Variants in ADGRA3 observed in about 807,000 individuals in gnomAD.
ADGRA3 encodes G-protein coupled receptor 125.
ADGRA3 carries 56 observed loss-of-function variants against 119.8 expected under a neutral mutation model. The observed-to-expected ratio is 0.47, with a 90% CI of 0.38 to 0.58. The LOEUF (loss-of-function observed/expected upper bound fraction) is 0.58. ADGRA3 is among the 20% of genes least tolerant of loss of function. The probability of loss-of-function intolerance (pLI) is 0.00; values close to 1 mark genes in which losing one functional copy is unlikely to be tolerated. For missense variants in ADGRA3, 1,516 were observed against 1,649.0 expected (o/e 0.92, Z 1.40); for synonymous variants, 607 against 623.8 (o/e 0.97, Z 0.40).
chr4:22,400,063 C>T (rs1714545477), intron 16 of ADGRA3, among the ~76,000 whole-genome samples: 1 of 152,144 alleles, frequency 6.6e-6, no homozygotes, highest in Non-Finnish European at 1.5e-5. Flanking sequence ...TATGTTTTCT[C>T]ATAGTTGTAT....
intron 2 of ADGRA3, 95 bp from the exon 3 acceptor site, chr4:22,461,903 A>G (rs1413024704): frequency 2.8e-6 from 2 of 723,332 alleles, no homozygotes; most frequent in Non-Finnish European, 4.5e-6. Context: ...AAACAAAAGT[A>G]TAATAATAAG....
chr4:22,410,308 T>C (rs1451934701), intron 14 of ADGRA3, among the ~76,000 whole-genome samples: 1 of 152,190 alleles, frequency 6.6e-6, no homozygotes, highest in African/African-American at 2.4e-5. Flanking sequence ...TCTTTGTTTT[T>C]TCCTACAGAC....
chr4:22,392,846 T>C (rs1160801530), intron 16 of ADGRA3, 156 bp from the exon 17 acceptor site: 1 of 601,112 alleles, frequency 1.7e-6, no homozygotes, highest in East Asian at 2.9e-5. Context: ...CACTGTGTTC[T>C]AATAGACATG....
chr4:22,440,114 C>T (rs1023668985), intron 7 of ADGRA3, among the ~76,000 whole-genome samples: 4 of 152,128 alleles, frequency 2.6e-5, no homozygotes, highest in East Asian at 1.9e-4. Flanking sequence ...GACTTTTACA[C>T]GTAGCACTTG....
chr4:22,488,775 A>C (rs933143463), intron 1 of ADGRA3, among the ~76,000 whole-genome samples: 1 of 152,166 alleles, frequency 6.6e-6, no homozygotes, highest in Non-Finnish European at 1.5e-5. Context: ...GGAAAACATA[A>C]TTTTACTTTA....
chr4:22,516,054 C>T lies in ADGRA3; in HGVS notation c.-270G>A. Reference sequence around the variant, plus strand: ...CCTCCTCCTCCTCCTCTGCCGCCGCCGCCGCCGCCACTGCCTCCTCCCCTG... The same window carrying T: ...CCTCCTCCTCCTCCTCTGCCGCCGCTGCCGCCGCCACTGCCTCCTCCCCTG... On this transcript the variant is annotated 5_prime_UTR_variant, in exon 1 of 19. Transcript: ENST00000334304. 6.3e-6 allele frequency: 1 copy of T among 158,132 alleles called. No individual in the cohort carries two copies. The highest frequency in any genetic ancestry group is 1.4e-5 in the Non-Finnish European group (1 of 73,088). 9.8% of individuals were successfully genotyped at this position (158,132 alleles called of 1,614,324 possible).
intron 1 of ADGRA3, among the ~76,000 whole-genome samples, chr4:22,506,765 T>C (rs1237646707): frequency 6.6e-6 from 1 of 152,016 alleles, no homozygotes; most frequent in African/African-American, 2.4e-5. Flanking sequence ...AAAAAATCCT[T>C]GGGAGGAATA....
chr4:22,409,014 C>T (rs767678100), intron 14 of ADGRA3, among the ~76,000 whole-genome samples: 1 of 152,126 alleles, frequency 6.6e-6, no homozygotes, highest in Non-Finnish European at 1.5e-5. Flanking sequence ...CACAAGTGTA[C>T]ATACTACACA....
chr4:22,470,619 T>G (rs1214067821), intron 2 of ADGRA3, among the ~76,000 whole-genome samples: 1 of 152,194 alleles, frequency 6.6e-6, no homozygotes, highest in Non-Finnish European at 1.5e-5. Flanking sequence ...TCTGCTGTAT[T>G]TTCAAGTCGT....
rs1016971553 is a variant in ADGRA3, at chr4:22,493,071, C to T, written c.258-19228G>A. Among the ~76,000 whole-genome samples, 84 of 152,098 alleles carry T rather than the reference C, an allele frequency of 5.5e-4. 5 individuals are homozygous for T. Among genetic ancestry groups the T allele is most frequent in the Non-Finnish European group, 1.0e-4 (7 of 68,026 alleles). ...CCTCCAATCCCTGTGATCAAGAAATCCTCCCATCCCTGTCTCTCAAGTAGC... is the reference window on the plus strand; with the variant it reads ...CCTCCAATCCCTGTGATCAAGAAATTCTCCCATCCCTGTCTCTCAAGTAGC... On this transcript the variant is annotated intron_variant, in intron 1 of 18. Coordinates refer to ENST00000334304, the MANE Select transcript of ADGRA3 (RefSeq NM_145290.4).
intron 1 of ADGRA3, among the ~76,000 whole-genome samples, chr4:22,488,821 C>A (rs10004678): frequency 0.011 from 1,705 of 152,086 alleles, 28 homozygotes; most frequent in African/African-American, 0.039. Context: ...GGAAGCAAAT[C>A]ATGAAGACTC....
rs1001862610 is a variant in ADGRA3, at chr4:22,476,338, AG to A, written c.258-2496del. On this transcript the variant is annotated intron_variant, in intron 1 of 18. Coordinates refer to ENST00000334304, the MANE Select transcript of ADGRA3 (RefSeq NM_145290.4). ...CACCAAACTGACAAAAGGTATTTCC[AG>A]CGACTTTATGTCAGCATGATGTAAA... Among the ~76,000 whole-genome samples, 12 of 152,302 alleles carry A rather than the reference AG, an allele frequency of 7.9e-5. No homozygotes were observed. In the East Asian group the frequency reaches 2.1e-3, roughly 27 times the overall value.
At chr4:22,468,879 G>C (rs971594374) in intron 2 of ADGRA3, among the ~76,000 whole-genome samples, 5 of 151,994 alleles carry the variant, frequency 3.3e-5, no homozygotes, top group African/African-American at 1.2e-4. Flanking sequence ...TCTAAAAAAG[G>C]TATCTATCAA....
At position 22,424,236 on chromosome 4, in the gene ADGRA3, G is replaced by C; in HGVS notation, c.1560C>G (p.Arg520=). Residue 520 remains arginine (R), a synonymous_variant, in exon 11 of 19, where the codon CGC becomes CGG. Coordinates refer to ENST00000334304, the MANE Select transcript of ADGRA3 (RefSeq NM_145290.4). ...CACCGGCTAGCCGGTAGGTAGCAAT[G>C]CGCTGAAGACACTGCACAATCCTAC... The part of the protein sequence containing the change: ...ACSRIVQCLQ[R]IATYRLAGGA... 1 of 1,613,206 alleles carries C rather than the reference G, an allele frequency of 6.2e-7. No homozygotes were observed. The highest frequency in any genetic ancestry group is 8.5e-7 in the Non-Finnish European group (1 of 1,179,700).
chr4:22,454,721 G>T, intron 4 of ADGRA3, 145 bp downstream of exon 4: 1 of 648,648 alleles, frequency 1.5e-6, no homozygotes, highest in Non-Finnish European at 2.8e-6. Context: ...ACATCCCCAT[G>T]ATTAAATTGT....
chr4:22,508,023 G>A (rs574338665), intron 1 of ADGRA3, among the ~76,000 whole-genome samples: 76 of 152,262 alleles, frequency 5.0e-4, no homozygotes, highest in African/African-American at 1.8e-3. Context: ...CTTCCACCAC[G>A]TAGTCGTATC....
intron 3 of ADGRA3, chr4:22,455,979 A>C (rs2109093692): frequency 2.4e-6 from 1 of 409,054 alleles, no homozygotes; most frequent in East Asian, 7.2e-5. Context: ...AACTTTCAAA[A>C]ATATTTTCAT....
intron 1 of ADGRA3, among the ~76,000 whole-genome samples, chr4:22,487,769 T>A (rs1223323818): frequency 6.6e-6 from 1 of 152,210 alleles, no homozygotes; most frequent in East Asian, 1.9e-4. Context: ...AAAACCATTC[T>A]AAATTGAAGA....
intron 16 of ADGRA3, among the ~76,000 whole-genome samples, chr4:22,399,594 C>G (rs747844383): frequency 2.6e-5 from 4 of 151,868 alleles, no homozygotes; most frequent in Admixed American, 1.3e-4. Flanking sequence ...GTCTCTCTTC[C>G]CCAGCTGACA....
Sources: gnomAD v4.1 joint callset for allele counts (sites outside exome capture counted in the v4.1 genomes callset) on GRCh38, gnomAD v4.1.1 for gene constraint, MANE v1.5 for transcripts, NCBI Gene and HGNC (gene_info 2026-07-23, HGNC 2026-07-21) for gene names.